The following DLGAP1 variants were observed in gnomAD, a reference collection of about 807,000 sequenced individuals.
The protein encoded by DLGAP1 is DLG associated protein 1, also known as disks large-associated protein 1.
Under a neutral mutation model 90.8 loss-of-function variants are expected in DLGAP1, and 11 were observed. The observed-to-expected ratio is 0.12, with a 90% confidence interval of 0.08 to 0.20. The LOEUF (loss-of-function observed/expected upper bound fraction) is 0.20. Ranked by LOEUF, DLGAP1 falls within the 10% of genes least tolerant of loss-of-function variation. DLGAP1 has a pLI of 1.00. For synonymous variants in DLGAP1, 558 were observed against 540.7 expected (o/e 1.03, Z -0.44); for missense variants, 1,050 against 1,333.8 (o/e 0.79, Z 3.31).
chr18:3,792,558 C>T (rs1002660130), intron 5 of DLGAP1, among the ~76,000 whole-genome samples: 1 of 152,164 alleles, frequency 6.6e-6, no homozygotes, highest in Non-Finnish European at 1.5e-5. Flanking sequence ...CTTCCCTTCT[C>T]TCAACCCCTT....
At chr18:3,773,195 G>A (rs1473449614) in intron 5 of DLGAP1, among the ~76,000 whole-genome samples, 1 of 151,998 alleles carries the variant, frequency 6.6e-6, no homozygotes, top group African/African-American at 2.4e-5. Flanking sequence ...TTCTAGGTGG[G>A]CTCTGTTGCC....
intron 3 of DLGAP1, among the ~76,000 whole-genome samples, chr18:3,922,862 G>A (rs967185247): frequency 3.1e-4 from 47 of 152,054 alleles, no homozygotes; most frequent in Non-Finnish European, 6.0e-4. Context: ...GCCGAGTGTC[G>A]TGGTTCGTTC....
chr18:4,338,358 T>C (rs2081117750), intron 1 of DLGAP1, among the ~76,000 whole-genome samples: 1 of 152,236 alleles, frequency 6.6e-6, no homozygotes, highest in African/African-American at 2.4e-5. Context: ...GCTGAGTACA[T>C]AGTACATGTC....
chr18:4,015,013 C>G (rs1248127414), intron 2 of DLGAP1, among the ~76,000 whole-genome samples: 2 of 152,158 alleles, frequency 1.3e-5, no homozygotes, highest in East Asian at 3.9e-4. Context: ...CTTGCGAGAA[C>G]ATGCCTTTGA....
chr18:3,879,337 G>A lies in DLGAP1; in HGVS notation c.732C>T (p.Ser244=), dbSNP rs1051462111. 1.2e-6 allele frequency: 2 copies of A among 1,607,916 alleles called. No homozygotes were observed. Among genetic ancestry groups the A allele is most frequent in the Admixed American group, 1.7e-5 (1 of 59,122 alleles). ...TCCGGGAGGCCTTCACCGCCTGCTCGCTGATGGTGTTGTAGGCCTCCAGGA... is the reference window on the plus strand; with the variant it reads ...TCCGGGAGGCCTTCACCGCCTGCTCACTGATGGTGTTGTAGGCCTCCAGGA... The part of the protein sequence containing the change: ...QYFLEAYNTI[S]EQAVKASRSN... Residue 244 remains serine, a synonymous_variant, in exon 4 of 13, where the codon AGC becomes AGT. Coordinates refer to ENST00000315677, the MANE Select transcript of DLGAP1 (RefSeq NM_004746.4). The surrounding 1 kb of genome is among the most constrained non-coding windows in gnomAD (Gnocchi z 6.6).
intron 2 of DLGAP1, among the ~76,000 whole-genome samples, chr18:4,118,098 G>A (rs2076091677): frequency 6.6e-6 from 1 of 152,092 alleles, no homozygotes; most frequent in African/African-American, 2.4e-5. Flanking sequence ...CATTTTGCAT[G>A]TGGTAGCTTG....
At chr18:3,657,221 T>A (rs994432748) in intron 7 of DLGAP1, among the ~76,000 whole-genome samples, 1 of 152,246 alleles carries the variant, frequency 6.6e-6, no homozygotes, top group Non-Finnish European at 1.5e-5. Flanking sequence ...TTTCATTCGG[T>A]TGAAGTCCTG....
chr18:4,447,863 C>A (rs2083705867), intron 1 of DLGAP1, among the ~76,000 whole-genome samples: 1 of 152,208 alleles, frequency 6.6e-6, no homozygotes, highest in African/African-American at 2.4e-5. Context: ...GACCCATCTA[C>A]TCCTATCAGT....
chr18:3,629,635 G>A (rs2058449366), intron 7 of DLGAP1, among the ~76,000 whole-genome samples: 1 of 151,878 alleles, frequency 6.6e-6, no homozygotes, highest in Admixed American at 6.6e-5. Flanking sequence ...TCGCGCCACC[G>A]CACTCCAGCC....
At chr18:4,050,585 A>G (rs971876929) in intron 2 of DLGAP1, among the ~76,000 whole-genome samples, 2 of 152,248 alleles carry the variant, frequency 1.3e-5, no homozygotes, top group African/African-American at 4.8e-5. Flanking sequence ...GGAAACTTGC[A>G]CAGTTTCCAA....
At chr18:3,961,882 G>A (rs1268081786) in intron 3 of DLGAP1, among the ~76,000 whole-genome samples, 1 of 152,186 alleles carries the variant, frequency 6.6e-6, no homozygotes, top group Admixed American at 6.5e-5. Flanking sequence ...TCTGACACAG[G>A]GCACAGGACA....
chr18:3,549,357 GAGT>G (rs893539356), intron 9 of DLGAP1, among the ~76,000 whole-genome samples: 10 of 149,034 alleles, frequency 6.7e-5, no homozygotes, highest in African/African-American at 2.5e-4. Context: ...TTTTGAAAAG[GAGT>G]CTCACTCTGT....
intron 7 of DLGAP1, among the ~76,000 whole-genome samples, chr18:3,704,625 G>A (rs1858930266): frequency 6.6e-6 from 1 of 151,434 alleles, no homozygotes; most frequent in Admixed American, 6.6e-5. Flanking sequence ...AGTGAGAAAT[G>A]GTCATTTTGG....
At chr18:3,637,622 C>T (rs1208150079) in intron 7 of DLGAP1, among the ~76,000 whole-genome samples, 3 of 150,140 alleles carry the variant, frequency 2.0e-5, no homozygotes, top group Non-Finnish European at 4.4e-5. Context: ...TGGCATGCAC[C>T]TATAGTCCCA....
intron 1 of DLGAP1, among the ~76,000 whole-genome samples, chr18:4,374,898 C>T (rs1157564322): frequency 2.6e-5 from 4 of 151,658 alleles, no homozygotes; most frequent in Admixed American, 2.6e-4. Context: ...AATATATCTA[C>T]TAGATTGGAA....
intron 5 of DLGAP1, among the ~76,000 whole-genome samples, chr18:3,752,166 G>A (rs1013312551): frequency 6.6e-6 from 1 of 152,106 alleles, no homozygotes; most frequent in African/African-American, 2.4e-5. Flanking sequence ...TTACAGGTGT[G>A]AGCCACCACG....
At chr18:3,840,502 A>T (rs989064401) in intron 4 of DLGAP1, among the ~76,000 whole-genome samples, 1 of 152,184 alleles carries the variant, frequency 6.6e-6, no homozygotes, top group Admixed American at 6.5e-5. Flanking sequence ...TTCTTAAAAG[A>T]ACACTTGTGA....
At chr18:4,328,647 T>C (rs1191544828) in intron 1 of DLGAP1, among the ~76,000 whole-genome samples, 1 of 151,980 alleles carries the variant, frequency 6.6e-6, no homozygotes, top group Non-Finnish European at 1.5e-5. Context: ...GTTGTACCAT[T>C]GTGCATTTCT....
intron 1 of DLGAP1, among the ~76,000 whole-genome samples, chr18:4,371,195 A>C (rs895108984): frequency 6.6e-6 from 1 of 152,202 alleles, no homozygotes; most frequent in Non-Finnish European, 1.5e-5. Flanking sequence ...ATCCTCACGG[A>C]GTTTATAGTC....
Sources: allele counts gnomAD v4.1 joint callset (sites outside exome capture counted in the v4.1 genomes callset), GRCh38; gene constraint gnomAD v4.1.1; non-coding constraint Gnocchi (gnomAD v3.1); transcripts MANE v1.5; gene names NCBI Gene and HGNC (gene_info 2026-07-23, HGNC 2026-07-21).